The following PIP5K1B variants were observed in gnomAD, a reference collection of about 807,000 sequenced individuals.
PIP5K1B encodes the protein phosphatidylinositol 4-phosphate 5-kinase type-1 beta.
PIP5K1B carries 42 observed loss-of-function variants against 67.0 expected under a neutral mutation model. The observed-to-expected ratio is 0.63, with a 90% CI of 0.49 to 0.81. The LOEUF is 0.81. PIP5K1B is among the 30% of genes least tolerant of loss of function. The pLI, the probability that PIP5K1B is intolerant of heterozygous loss-of-function variation, is 0.00. For synonymous variants in PIP5K1B, 214 were observed against 231.4 expected (o/e 0.92, Z 0.68); for missense variants, 459 against 646.3 (o/e 0.71, Z 3.14).
At chr9:68,969,710 C>G (rs138598542) in intron 14 of PIP5K1B, among the ~76,000 whole-genome samples, 159 of 152,296 alleles carry the variant, frequency 1.0e-3, no homozygotes, top group African/African-American at 3.7e-3. Context: ...CCACCCGAGG[C>G]CCTTCCGGGA....
rs142753503 is a variant in PIP5K1B, at chr9:68,842,124, A to G, written c.69+19441A>G. 1.1e-3 allele frequency among the ~76,000 whole-genome samples: 171 copies of G among 152,278 alleles called. No homozygotes were observed. In the Middle Eastern group the frequency reaches 0.017, roughly 15 times the overall value. On this transcript the variant is annotated intron_variant, in intron 4 of 15. Coordinates refer to ENST00000265382, the MANE Select transcript of PIP5K1B (RefSeq NM_003558.4). Reference sequence around the variant, plus strand: ...CCTTCATGTTGGTTTCCACTTGGGCATTTCTCATGCTTGGATGGCTAATAT... The same window carrying G: ...CCTTCATGTTGGTTTCCACTTGGGCGTTTCTCATGCTTGGATGGCTAATAT...
At chr9:68,991,683 T>C (rs1381881141) in intron 15 of PIP5K1B, among the ~76,000 whole-genome samples, 1 of 152,190 alleles carries the variant, frequency 6.6e-6, no homozygotes, top group Non-Finnish European at 1.5e-5. Flanking sequence ...CTGGAGAATC[T>C]TGGCTGATTC....
intron 4 of PIP5K1B, among the ~76,000 whole-genome samples, chr9:68,832,538 G>A (rs2132115020): frequency 6.6e-6 from 1 of 152,302 alleles, no homozygotes; most frequent in East Asian, 1.9e-4. Flanking sequence ...AAAGGAATAT[G>A]TGGCAGCTCA....
intron 4 of PIP5K1B, among the ~76,000 whole-genome samples, chr9:68,833,093 G>A (rs1319530923): frequency 6.6e-6 from 1 of 152,242 alleles, no homozygotes; most frequent in Non-Finnish European, 1.5e-5. Context: ...GGCCAAGACA[G>A]ACATAGTCCC....
At chr9:68,987,384 A>G (rs1830138486) in intron 14 of PIP5K1B, among the ~76,000 whole-genome samples, 1 of 152,276 alleles carries the variant, frequency 6.6e-6, no homozygotes, top group Non-Finnish European at 1.5e-5. Flanking sequence ...GCCAACAGTG[A>G]AACTCTGTCT....
intron 1 of PIP5K1B, among the ~76,000 whole-genome samples, chr9:68,736,991 A>G (rs559692374): frequency 1.3e-5 from 2 of 152,266 alleles, no homozygotes; most frequent in South Asian, 4.1e-4. Context: ...GGCCATTTTG[A>G]TATTCCTATA....
At chr9:68,969,760 T>A (rs1053174363) in intron 14 of PIP5K1B, among the ~76,000 whole-genome samples, 1 of 152,142 alleles carries the variant, frequency 6.6e-6, no homozygotes, top group East Asian at 1.9e-4. Context: ...CCTGTTCTCA[T>A]AAGTAAACAA....
At chr9:68,895,457 G>A (rs1374128783) in intron 8 of PIP5K1B, among the ~76,000 whole-genome samples, 1 of 152,060 alleles carries the variant, frequency 6.6e-6, no homozygotes, top group African/African-American at 2.4e-5. Context: ...CACAGGCTGT[G>A]GTTTTCTGCA....
chr9:68,975,624 C>T (rs1456616769), intron 14 of PIP5K1B, among the ~76,000 whole-genome samples: 1 of 152,190 alleles, frequency 6.6e-6, no homozygotes, highest in Non-Finnish European at 1.5e-5. Flanking sequence ...TTACAAAGTA[C>T]CATGAACTGG....
intron 15 of PIP5K1B, among the ~76,000 whole-genome samples, chr9:68,994,464 T>C (rs1830521541): frequency 6.6e-6 from 1 of 152,242 alleles, no homozygotes; most frequent in African/African-American, 2.4e-5. Flanking sequence ...GGCATTCTTT[T>C]ATATTTCTGC....
At chr9:68,958,377 A>C (rs1828510611) in intron 14 of PIP5K1B, among the ~76,000 whole-genome samples, 1 of 152,088 alleles carries the variant, frequency 6.6e-6, no homozygotes, top group Admixed American at 6.6e-5. Flanking sequence ...TTTTTAATGA[A>C]ACATATTTTC....
chr9:68,825,341 G>C (rs1833926975), intron 4 of PIP5K1B, among the ~76,000 whole-genome samples: 1 of 152,158 alleles, frequency 6.6e-6, no homozygotes, highest in African/African-American at 2.4e-5. Flanking sequence ...TCGAAAACTG[G>C]CAATTTTGCT....
intron 8 of PIP5K1B, among the ~76,000 whole-genome samples, chr9:68,896,010 T>A (rs985889166): frequency 2.8e-4 from 42 of 152,312 alleles, no homozygotes; most frequent in African/African-American, 8.7e-4. Flanking sequence ...GATTTTTTTT[T>A]AATTATCTTT....
chr9:68,732,987 C>G (rs1227454312), intron 1 of PIP5K1B, among the ~76,000 whole-genome samples: 1 of 151,994 alleles, frequency 6.6e-6, no homozygotes, highest in Admixed American at 6.6e-5. Flanking sequence ...GAACCTGTAC[C>G]AATTTTGATG....
intron 2 of PIP5K1B, among the ~76,000 whole-genome samples, chr9:68,767,192 A>T (rs1830467106): frequency 6.6e-6 from 1 of 152,240 alleles, no homozygotes; most frequent in Non-Finnish European, 1.5e-5. Flanking sequence ...AAATGATCTT[A>T]GTACCAAAAC....
chr9:68,826,228 A>G (rs1270290828), intron 4 of PIP5K1B, among the ~76,000 whole-genome samples: 1 of 152,140 alleles, frequency 6.6e-6, no homozygotes, highest in African/African-American at 2.4e-5. Flanking sequence ...TAATTTATTG[A>G]GTGCTTTCCG....
At chr9:68,828,343 A>G (rs983442021) in intron 4 of PIP5K1B, among the ~76,000 whole-genome samples, 2 of 152,214 alleles carry the variant, frequency 1.3e-5, no homozygotes, top group Non-Finnish European at 2.9e-5. Context: ...CAGTGTGCAG[A>G]GTCTTTTTAG....
intron 1 of PIP5K1B, among the ~76,000 whole-genome samples, chr9:68,737,965 A>G (rs887866100): frequency 2.0e-5 from 3 of 152,230 alleles, no homozygotes; most frequent in Non-Finnish European, 4.4e-5. Context: ...CGCACATAAT[A>G]GAGAGATGTT....
At chr9:68,897,736 C>T (rs1825160230) in intron 8 of PIP5K1B, among the ~76,000 whole-genome samples, 1 of 152,166 alleles carries the variant, frequency 6.6e-6, no homozygotes. Context: ...ACCCCAGCTT[C>T]TTTGTTGTTC....
Sources: gnomAD v4.1 joint callset for allele counts (sites outside exome capture counted in the v4.1 genomes callset) on GRCh38, gnomAD v4.1.1 for gene constraint, MANE v1.5 for transcripts, NCBI Gene and HGNC (gene_info 2026-07-23, HGNC 2026-07-21) for gene names.